NRG1: variants seen among roughly 807,000 people sequenced by gnomAD.
NRG1 encodes the protein pro-neuregulin-1, membrane-bound isoform.
Under a neutral mutation model 63.8 loss-of-function variants are expected in NRG1, and 18 were observed. The observed-to-expected ratio is 0.28, with a 90% CI of 0.19 to 0.42. NRG1 has a LOEUF of 0.42. NRG1 is among the 10% of genes least tolerant of loss of function. The probability of loss-of-function intolerance (pLI) is 1.00; values close to 1 mark genes in which losing one functional copy is unlikely to be tolerated. For missense variants in NRG1, 762 were observed against 814.7 expected, an observed-to-expected ratio of 0.94 and a Z score of 0.79; for synonymous variants, 302 against 301.3, an observed-to-expected ratio of 1.00 and a Z score of -0.02.
chr8:32,419,355 G>A (rs1308922947), intron 1 of NRG1, among the ~76,000 whole-genome samples: 2 of 152,174 alleles, frequency 1.3e-5, no homozygotes, highest in Non-Finnish European at 2.9e-5. Context: ...TCTGGTGGAG[G>A]AGCCAGTGAT....
intron 1 of NRG1, among the ~76,000 whole-genome samples, chr8:32,282,926 G>T (rs578213151): frequency 2.0e-4 from 30 of 152,192 alleles, no homozygotes; most frequent in African/African-American, 7.2e-4. Context: ...GGCATTTGGT[G>T]TTGCTTAGAT....
At chr8:31,792,910 A>C (rs921714599) in intron 1 of NRG1, among the ~76,000 whole-genome samples, 1 of 152,216 alleles carries the variant, frequency 6.6e-6, no homozygotes, top group Non-Finnish European at 1.5e-5. Context: ...CCTAATGTTG[A>C]GCAAGGAGTC....
At chr8:32,383,033 G>A (rs573368307) in intron 1 of NRG1, among the ~76,000 whole-genome samples, 42 of 151,498 alleles carry the variant, frequency 2.8e-4, no homozygotes, top group African/African-American at 9.5e-4. Context: ...ATCAGCCTGG[G>A]CAATGTAGCA....
At chr8:32,621,442 T>G (rs1452375065) in intron 5 of NRG1, among the ~76,000 whole-genome samples, 1 of 152,206 alleles carries the variant, frequency 6.6e-6, no homozygotes, top group Non-Finnish European at 1.5e-5. Context: ...AGTGATTGTT[T>G]GGAACAAGCC....
intron 1 of NRG1, among the ~76,000 whole-genome samples, chr8:32,199,870 C>T (rs1200197007): frequency 6.6e-6 from 1 of 152,134 alleles, no homozygotes; most frequent in Non-Finnish European, 1.5e-5. Flanking sequence ...ACCTCCGCCT[C>T]CTGGGTTCAT....
chr8:31,912,429 C>A (rs534008370), intron 1 of NRG1, among the ~76,000 whole-genome samples: 2 of 152,064 alleles, frequency 1.3e-5, no homozygotes, highest in East Asian at 3.9e-4. Flanking sequence ...GAAGCAGCTG[C>A]TCTCAGGGTA....
At chr8:31,641,731 C>T (rs1332129702) in intron 1 of NRG1, 1 of 152,174 alleles carries the variant, frequency 6.6e-6, no homozygotes, top group Non-Finnish European at 1.5e-5. Context: ...TTACACATCA[C>T]AAATTCCAAC....
chr8:32,486,627 ATTTT>A (rs1554557143), intron 1 of NRG1, among the ~76,000 whole-genome samples: 1 of 145,518 alleles, frequency 6.9e-6, no homozygotes, highest in Non-Finnish European at 1.5e-5. Context: ...GAATTGCTGG[ATTTT>A]TTTTTTTTTT....
intron 1 of NRG1, among the ~76,000 whole-genome samples, chr8:32,476,336 C>T (rs564265271): frequency 6.6e-6 from 1 of 152,306 alleles, no homozygotes; most frequent in South Asian, 2.1e-4. Context: ...CCTCGTGATC[C>T]TATTTCCTTG....
chr8:32,140,740 G>T lies in NRG1; in HGVS notation c.38-455088G>T, dbSNP rs141959460. Among the ~76,000 whole-genome samples the T allele has an allele frequency of 3.8e-3, 582 of 152,250 alleles. 1 individual carries two copies. Among genetic ancestry groups the T allele is most frequent in the Non-Finnish European group, 5.6e-3 (384 of 68,012 alleles). ...AGCCTCCAAAAGTGCAGGGATTACA[G>T]ACATGAGCCACCCATGTACCTGGTT... On this transcript the variant is annotated intron_variant, in intron 1 of 10. Transcript: ENST00000519301.
At chr8:32,216,040 C>CAA (rs113133570) in intron 1 of NRG1, among the ~76,000 whole-genome samples, 2 of 122,802 alleles carry the variant, frequency 1.6e-5, no homozygotes, top group Admixed American at 8.4e-5. Context: ...GACTCTGTCT[C>CAA]AAAAAAAAAA....
chr8:32,164,237 C>G (rs984375334), intron 1 of NRG1, among the ~76,000 whole-genome samples: 5 of 90,790 alleles, frequency 5.5e-5, no homozygotes, highest in Admixed American at 4.6e-4. Context: ...TTCATCATCT[C>G]CATCTGAAAG....
chr8:32,753,002 G>A (rs1829025642), intron 7 of NRG1, among the ~76,000 whole-genome samples: 1 of 152,134 alleles, frequency 6.6e-6, no homozygotes, highest in East Asian at 1.9e-4. Context: ...AAAACTTCCT[G>A]CAAGCTGCCC....
intron 1 of NRG1, among the ~76,000 whole-genome samples, chr8:32,341,222 C>T (rs1804034335): frequency 6.6e-6 from 1 of 152,156 alleles, no homozygotes; most frequent in Non-Finnish European, 1.5e-5. Flanking sequence ...AGATAGGTCT[C>T]TTATAATGAG....
rs1213007099 is a variant in NRG1, at chr8:32,521,030, ATT to A, written c.38-74797_38-74796del. Among the ~76,000 whole-genome samples, 6 of 152,232 alleles carry A rather than the reference ATT, an allele frequency of 3.9e-5. No individual in the cohort carries two copies. The East Asian group carries it at 9.6e-4, about 24-fold the overall frequency. On this transcript the variant is annotated intron_variant, in intron 1 of 10. Coordinates refer to the NRG1 transcript ENST00000519301. ...GTGACATCAACATGTTATTATTATTATTGTTCTTTTTTATTATTAAGTATTGT... is the reference window on the plus strand; with the variant it reads ...GTGACATCAACATGTTATTATTATTAGTTCTTTTTTATTATTAAGTATTGT...
intron 1 of NRG1, among the ~76,000 whole-genome samples, chr8:32,137,216 C>A (rs1024502828): frequency 6.6e-6 from 1 of 151,972 alleles, no homozygotes; most frequent in Admixed American, 6.6e-5. Context: ...GAGGCCGAGG[C>A]GGGTGGATCA....
intron 1 of NRG1, among the ~76,000 whole-genome samples, chr8:32,084,700 G>A (rs1827965996): frequency 6.6e-6 from 1 of 152,134 alleles, no homozygotes; most frequent in South Asian, 2.1e-4. Flanking sequence ...CCTGGTGAAA[G>A]TGGTAGGTGG....
chr8:32,285,084 G>C (rs1040309944), intron 1 of NRG1, among the ~76,000 whole-genome samples: 1 of 152,188 alleles, frequency 6.6e-6, no homozygotes, highest in Non-Finnish European at 1.5e-5. Context: ...TCTTTGAAAA[G>C]ACTGCTTGAT....
At chr8:32,711,757 A>G (rs1327332830) in intron 5 of NRG1, among the ~76,000 whole-genome samples, 1 of 152,172 alleles carries the variant, frequency 6.6e-6, no homozygotes, top group Non-Finnish European at 1.5e-5. Flanking sequence ...TATAAGCAGA[A>G]CATGATAAAT....
Sources: gnomAD v4.1 joint callset for allele counts (sites outside exome capture counted in the v4.1 genomes callset) on GRCh38, gnomAD v4.1.1 for gene constraint, MANE v1.5 for transcripts, NCBI Gene and HGNC (gene_info 2026-07-23, HGNC 2026-07-21) for gene names.